The following LRRC69 variants were observed in gnomAD, a reference collection of about 807,000 sequenced individuals.
LRRC69 encodes the protein leucine-rich repeat-containing protein 69.
A neutral mutation model predicts 37.8 loss-of-function variants in LRRC69; 42 were observed. That is an observed-to-expected ratio of 1.11 (90% CI 0.87 to 1.44). LRRC69 has a LOEUF of 1.44. Ranked by LOEUF, LRRC69 falls within the 40% of genes most tolerant of loss-of-function variation. The pLI is 0.00. For missense variants in LRRC69, 357 were observed against 401.9 expected, an observed-to-expected ratio of 0.89 and a Z score of 0.96; for synonymous variants, 141 against 143.1, an observed-to-expected ratio of 0.99 and a Z score of 0.11.
intron 3 of LRRC69, among the ~76,000 whole-genome samples, chr8:91,131,235 C>CTTTTT (rs35337686): frequency 1.4e-3 from 193 of 139,866 alleles, no homozygotes; most frequent in South Asian, 1.8e-3. Flanking sequence ...ATTGATTTGT[C>CTTTTT]TTTTTTTTTT....
intron 5 of LRRC69, among the ~76,000 whole-genome samples, chr8:91,150,401 A>G (rs566794970): frequency 6.6e-6 from 1 of 152,122 alleles, no homozygotes; most frequent in South Asian, 2.1e-4. Context: ...TGATTTGCGT[A>G]TATTGAACCA....
At chr8:91,171,907 G>A (rs1809138949) in intron 5 of LRRC69, among the ~76,000 whole-genome samples, 1 of 151,644 alleles carries the variant, frequency 6.6e-6, no homozygotes, top group Non-Finnish European at 1.5e-5. Flanking sequence ...TTTTAAAAAT[G>A]TGTATGTGAG....
At chr8:91,112,464 A>G (rs1454221669) in intron 1 of LRRC69, among the ~76,000 whole-genome samples, 1 of 152,128 alleles carries the variant, frequency 6.6e-6, no homozygotes, top group Non-Finnish European at 1.5e-5. Context: ...GATATAACAC[A>G]TTAACAAAAC....
At chr8:91,150,641 A>T (rs1383835572) in intron 5 of LRRC69, among the ~76,000 whole-genome samples, 2 of 151,974 alleles carry the variant, frequency 1.3e-5, no homozygotes, top group Non-Finnish European at 2.9e-5. Flanking sequence ...TACTGATTGG[A>T]ATAGTTTCAG....
chr8:91,183,430 G>A (rs1809355504), intron 5 of LRRC69, among the ~76,000 whole-genome samples: 1 of 152,142 alleles, frequency 6.6e-6, no homozygotes, highest in African/African-American at 2.4e-5. Context: ...TGGTGATGGA[G>A]TTAGTATGTT....
rs997421005 is a variant in LRRC69 at position 91,203,979 on chromosome 8, G to A, written c.933+3187G>A. On this transcript the variant is annotated intron_variant, in intron 7 of 7. Coordinates refer to ENST00000448384, the Ensembl canonical transcript of LRRC69. ...CTAAAAAAAATACAAAAAATTAGCC[G>A]GGTGTGGTGGCGGGCACCTATAGTC... Among the ~76,000 whole-genome samples, 41 of 151,870 alleles carry A rather than the reference G, an allele frequency of 2.7e-4. 1 individual carries two copies. The highest frequency in any genetic ancestry group is 2.0e-3 in the Admixed American group (31 of 15,248).
At chr8:91,196,303 G>C (rs1437073975) in intron 6 of LRRC69, among the ~76,000 whole-genome samples, 1 of 151,750 alleles carries the variant, frequency 6.6e-6, no homozygotes, top group African/African-American at 2.4e-5. Context: ...CAAGTTTGGT[G>C]AATCTGACAA....
intron 5 of LRRC69, among the ~76,000 whole-genome samples, chr8:91,186,716 C>A (rs957920222): frequency 1.1e-4 from 17 of 152,014 alleles, no homozygotes; most frequent in African/African-American, 4.1e-4. Context: ...ATTCAAGTAC[C>A]ATTGCAACAA....
intron 5 of LRRC69, among the ~76,000 whole-genome samples, chr8:91,180,021 G>A (rs1476259864): frequency 2.0e-5 from 3 of 152,172 alleles, no homozygotes; most frequent in Admixed American, 1.3e-4. Flanking sequence ...CTTAGTAGGT[G>A]TTGGGATTTA....
intron 5 of LRRC69, among the ~76,000 whole-genome samples, chr8:91,143,719 T>C (rs1484417245): frequency 2.0e-5 from 3 of 152,004 alleles, no homozygotes; most frequent in Non-Finnish European, 4.4e-5. Context: ...AAGAATTCTT[T>C]AGAGTTATCA....
chr8:91,217,654 C>G (rs546598447), intron 7 of LRRC69, among the ~76,000 whole-genome samples: 2 of 152,126 alleles, frequency 1.3e-5, no homozygotes, highest in Non-Finnish European at 2.9e-5. Context: ...CTCACTCCCC[C>G]AGCATATGCA....
intron 5 of LRRC69, among the ~76,000 whole-genome samples, chr8:91,169,586 A>G (rs539069681): frequency 6.6e-6 from 1 of 150,602 alleles, no homozygotes. Context: ...TTAGTTACAT[A>G]TGTATACATG....
At chr8:91,119,798 G>A (rs569282487) in intron 1 of LRRC69, among the ~76,000 whole-genome samples, 3 of 151,800 alleles carry the variant, frequency 2.0e-5, no homozygotes, top group Non-Finnish European at 4.4e-5. Context: ...TTTTCATCAC[G>A]AATTCATCTA....
chr8:91,131,235 C>CTTTTTTTTTTTTTTTTT (rs35337686), intron 3 of LRRC69, among the ~76,000 whole-genome samples: 1 of 140,228 alleles, frequency 7.1e-6, no homozygotes, highest in African/African-American at 2.6e-5. Flanking sequence ...ATTGATTTGT[C>CTTTTTTTTTTTTTTTTT]TTTTTTTTTT....
At chr8:91,103,754 G>C (rs1292770666) in intron 1 of LRRC69, among the ~76,000 whole-genome samples, 1 of 151,860 alleles carries the variant, frequency 6.6e-6, no homozygotes, top group Non-Finnish European at 1.5e-5. Context: ...CTTTTACAAA[G>C]TCCCCCTTCA....
intron 5 of LRRC69, among the ~76,000 whole-genome samples, chr8:91,136,710 A>G (rs1447484980): frequency 3.3e-5 from 5 of 152,010 alleles, no homozygotes; most frequent in Admixed American, 3.3e-4. Context: ...ATACTTTGAA[A>G]TAAGATCTTT....
intron 7 of LRRC69, among the ~76,000 whole-genome samples, chr8:91,215,879 T>C (rs1246141378): frequency 6.6e-6 from 1 of 152,180 alleles, no homozygotes; most frequent in African/African-American, 2.4e-5. Context: ...TGGACATATG[T>C]CGTACCAGTA....
intron 6 of LRRC69, among the ~76,000 whole-genome samples, chr8:91,194,535 G>A (rs866105676): frequency 2.3e-3 from 342 of 150,990 alleles, no homozygotes; most frequent in African/African-American, 8.1e-3. Flanking sequence ...TCCTGTTATT[G>A]GTCTATTCAG....
chr8:91,165,497 CT>C (rs939791781), intron 5 of LRRC69, among the ~76,000 whole-genome samples: 5 of 151,640 alleles, frequency 3.3e-5, no homozygotes, highest in African/African-American at 1.2e-4. Flanking sequence ...GTTTTGCTTC[CT>C]TTCTCTTTCT....
Sources: allele counts gnomAD v4.1 joint callset (sites outside exome capture counted in the v4.1 genomes callset), GRCh38; gene constraint gnomAD v4.1.1; transcripts MANE v1.5; gene names NCBI Gene and HGNC (gene_info 2026-07-23, HGNC 2026-07-21).